KCNIP4: variants seen among roughly 807,000 people sequenced by gnomAD.
The protein encoded by KCNIP4 is Kv channel-interacting protein 4.
KCNIP4 carries 12 observed loss-of-function variants against 34.0 expected under a neutral mutation model. That is an observed-to-expected ratio of 0.35 (90% CI 0.23 to 0.57). The LOEUF (loss-of-function observed/expected upper bound fraction) is 0.57, where lower values mean the gene tolerates loss of function less well. Ranked by LOEUF, KCNIP4 falls within the 20% of genes least tolerant of loss-of-function variation. KCNIP4 has a pLI of 0.83. For synonymous variants in KCNIP4, 124 were observed against 102.2 expected, an observed-to-expected ratio of 1.21 and a Z score of -1.29; for missense variants, 238 against 311.7, an observed-to-expected ratio of 0.76 and a Z score of 1.78.
chr4:21,537,347 T>A (rs945464033), intron 1 of KCNIP4, among the ~76,000 whole-genome samples: 1 of 152,080 alleles, frequency 6.6e-6, no homozygotes, highest in Non-Finnish European at 1.5e-5. Flanking sequence ...TGGCGATGGG[T>A]GATGTTGCCA....
At chr4:20,753,702 C>T (rs141654971) in intron 4 of KCNIP4, among the ~76,000 whole-genome samples, 88 of 152,276 alleles carry the variant, frequency 5.8e-4, no homozygotes, top group African/African-American at 2.0e-3. Flanking sequence ...TGAATAGTAG[C>T]TTCTGTCAAT....
At chr4:21,041,315 A>G (rs923616629) in intron 1 of KCNIP4, among the ~76,000 whole-genome samples, 4 of 151,846 alleles carry the variant, frequency 2.6e-5, no homozygotes, top group Non-Finnish European at 5.9e-5. Flanking sequence ...TGTGTATTTC[A>G]TGAATAACTG....
At chr4:21,384,607 G>C (rs1227769979) in intron 1 of KCNIP4, among the ~76,000 whole-genome samples, 2 of 152,206 alleles carry the variant, frequency 1.3e-5, no homozygotes, top group Non-Finnish European at 2.9e-5. Flanking sequence ...GTGCCTGTAA[G>C]AACACATTGA....
chr4:20,898,541 A>G (rs1013964282), intron 1 of KCNIP4, among the ~76,000 whole-genome samples: 1 of 152,206 alleles, frequency 6.6e-6, no homozygotes, highest in Admixed American at 6.5e-5. Flanking sequence ...ACCTATCATT[A>G]TAAATGCACA....
chr4:20,740,105 C>T (rs1364100315), intron 5 of KCNIP4, among the ~76,000 whole-genome samples: 2 of 152,140 alleles, frequency 1.3e-5, no homozygotes, highest in Admixed American at 6.5e-5. Context: ...AAATCTACGT[C>T]TGATTGGTGT....
At chr4:20,888,917 A>C (rs989261568) in intron 1 of KCNIP4, among the ~76,000 whole-genome samples, 1 of 152,150 alleles carries the variant, frequency 6.6e-6, no homozygotes, top group African/African-American at 2.4e-5. Flanking sequence ...TGAACCTGTT[A>C]AATGCTGTAT....
At chr4:21,545,820 T>C (rs564656794) in intron 1 of KCNIP4, among the ~76,000 whole-genome samples, 4 of 152,206 alleles carry the variant, frequency 2.6e-5, no homozygotes, top group African/African-American at 9.7e-5. Context: ...TCTTTGCTAT[T>C]GTGAATAGTG....
intron 1 of KCNIP4, among the ~76,000 whole-genome samples, chr4:21,267,829 G>T (rs1761909409): frequency 6.7e-6 from 1 of 149,464 alleles, no homozygotes; most frequent in African/African-American, 2.5e-5. Context: ...TTGTGTCTCT[G>T]CCCGGCTTTG....
At chr4:21,886,471 C>T (rs1484759838) in intron 1 of KCNIP4, among the ~76,000 whole-genome samples, 2 of 152,120 alleles carry the variant, frequency 1.3e-5, no homozygotes, top group South Asian at 4.1e-4. Flanking sequence ...TACTGCCCCT[C>T]TTCAACACTT....
intron 5 of KCNIP4, among the ~76,000 whole-genome samples, chr4:20,741,608 G>C (rs555319017): frequency 7.2e-5 from 11 of 152,272 alleles, no homozygotes; most frequent in African/African-American, 2.6e-4. Context: ...AAGCCCACAA[G>C]AGAAAGCAGG....
At chr4:20,942,927 C>A (rs938273631) in intron 1 of KCNIP4, among the ~76,000 whole-genome samples, 7 of 152,154 alleles carry the variant, frequency 4.6e-5, no homozygotes, top group Non-Finnish European at 8.8e-5. Context: ...CTGCCTCGGC[C>A]TCTCAAAGTG....
At chr4:21,066,094 C>G (rs1744357803) in intron 1 of KCNIP4, among the ~76,000 whole-genome samples, 1 of 151,954 alleles carries the variant, frequency 6.6e-6, no homozygotes, top group Non-Finnish European at 1.5e-5. Context: ...AAAAAACCTC[C>G]ATCCCTTGCC....
chr4:21,376,573 G>A (rs2109458551), intron 1 of KCNIP4, among the ~76,000 whole-genome samples: 1 of 152,258 alleles, frequency 6.6e-6, no homozygotes, highest in Non-Finnish European at 1.5e-5. Context: ...GCTTTTTAAG[G>A]AGGTGTGTTC....
chr4:20,851,551 T>C, intron 2 of KCNIP4, among the ~76,000 whole-genome samples: 1 of 152,266 alleles, frequency 6.6e-6, no homozygotes, highest in African/African-American at 2.4e-5. Flanking sequence ...ATATACCCGG[T>C]AATGAGATTG....
At chr4:21,674,575 A>G (rs1409944149) in intron 1 of KCNIP4, among the ~76,000 whole-genome samples, 1 of 152,182 alleles carries the variant, frequency 6.6e-6, no homozygotes, top group Non-Finnish European at 1.5e-5. Flanking sequence ...GCTCTTCCCA[A>G]CTGTAACCTC....
intron 3 of KCNIP4, among the ~76,000 whole-genome samples, chr4:20,812,469 G>A (rs1715885933): frequency 6.6e-6 from 1 of 152,112 alleles, no homozygotes; most frequent in South Asian, 2.1e-4. Context: ...TTAGACACTG[G>A]GATATGAGTT....
At chr4:21,514,609 C>T (rs1734604312) in intron 1 of KCNIP4, among the ~76,000 whole-genome samples, 1 of 151,900 alleles carries the variant, frequency 6.6e-6, no homozygotes, top group African/African-American at 2.4e-5. Context: ...TAAGCAAACC[C>T]AATCAACACA....
intron 1 of KCNIP4, among the ~76,000 whole-genome samples, chr4:21,122,137 G>A (rs1180844696): frequency 2.6e-5 from 4 of 151,170 alleles, no homozygotes; most frequent in Non-Finnish European, 4.4e-5. Flanking sequence ...GCCAAACAAT[G>A]TAGCCTAAAG....
At position 21,091,779 on chromosome 4, in the gene KCNIP4, T is replaced by C. The variant is rs567142944; in HGVS notation, c.62-209070A>G. On this transcript the variant is annotated intron_variant, in intron 1 of 8. Coordinates refer to ENST00000382152, the MANE Select transcript of KCNIP4 (RefSeq NM_025221.6). ...GAAAGAGCAAGAGAACTCTGTGGAG[T>C]TCCTTTTATAAAGACACCAATCCAT... Among the ~76,000 whole-genome samples, 10 of 152,072 alleles carry C rather than the reference T, an allele frequency of 6.6e-5. No individual in the cohort carries two copies. The South Asian group carries it at 2.1e-3, about 32-fold the overall frequency.
Sources: allele counts gnomAD v4.1 joint callset (sites outside exome capture counted in the v4.1 genomes callset), GRCh38; gene constraint gnomAD v4.1.1; transcripts MANE v1.5; gene names NCBI Gene and HGNC (gene_info 2026-07-23, HGNC 2026-07-21).